Variants in RBFOX1 observed in about 807,000 individuals in gnomAD.
The protein encoded by RBFOX1 is RNA binding fox-1 homolog 1, also known as RNA binding protein fox-1 homolog 1.
Under a neutral mutation model 57.7 loss-of-function variants are expected in RBFOX1, and 8 were observed. That is an observed-to-expected ratio of 0.14 (90% CI 0.08 to 0.25). The LOEUF is 0.25. Among genes scored for constraint, RBFOX1 ranks in the 10% least tolerant of loss-of-function variants. RBFOX1 has a pLI of 1.00. For missense variants in RBFOX1, 611 were observed against 548.5 expected (o/e 1.11, Z -1.14); for synonymous variants, 326 against 222.4 (o/e 1.47, Z -4.15).
At chr16:7,702,150 A>G (rs911537760) in intron 14 of RBFOX1, among the ~76,000 whole-genome samples, 74 of 152,200 alleles carry the variant, frequency 4.9e-4, no homozygotes, top group African/African-American at 1.7e-3. Context: ...CAGACCTTAC[A>G]ACCTGGGATT....
At chr16:5,866,073 T>G (rs2057337252) in intron 3 of RBFOX1, among the ~76,000 whole-genome samples, 1 of 152,176 alleles carries the variant, frequency 6.6e-6, no homozygotes, top group Non-Finnish European at 1.5e-5. Context: ...GTTCAAGGGA[T>G]TCTCCTGCCT....
chr16:7,072,467 C>T (rs933274808), intron 4 of RBFOX1, among the ~76,000 whole-genome samples: 1 of 152,148 alleles, frequency 6.6e-6, no homozygotes, highest in Admixed American at 6.5e-5. Context: ...TTGTTCTTAA[C>T]TCTACTCTCT....
intron 3 of RBFOX1, among the ~76,000 whole-genome samples, chr16:5,781,493 T>A (rs2054322722): frequency 6.6e-6 from 1 of 152,198 alleles, no homozygotes; most frequent in South Asian, 2.1e-4. Flanking sequence ...CACCCACACA[T>A]ATTTACAAAT....
In RBFOX1 at chr16:5,577,685, G is replaced by C. The variant is rs534156139; in HGVS notation, c.259-21217G>C. 5.3e-5 allele frequency among the ~76,000 whole-genome samples: 8 copies of C among 152,290 alleles called. No homozygotes were observed. In the South Asian group the frequency reaches 1.5e-3, roughly 28 times the overall value. On this transcript the variant is annotated intron_variant, in intron 2 of 2. Coordinates refer to the RBFOX1 transcript ENST00000585867. ...AAAATGGCAAGGCAGTGACTGTGCT[G>C]TACATTACATCATAGCCCCAGTGAG...
intron 3 of RBFOX1, among the ~76,000 whole-genome samples, chr16:6,978,987 T>G (rs1051521131): frequency 1.3e-5 from 2 of 152,180 alleles, no homozygotes; most frequent in African/African-American, 4.8e-5. Context: ...GCAGGCAAAC[T>G]GTTGACTCTT....
chr16:7,326,400 G>A (rs1332376708), intron 4 of RBFOX1, among the ~76,000 whole-genome samples: 2 of 152,128 alleles, frequency 1.3e-5, no homozygotes, highest in South Asian at 2.1e-4. Flanking sequence ...TATATAAGCA[G>A]TTTTACTGGG....
intron 3 of RBFOX1, among the ~76,000 whole-genome samples, chr16:6,695,413 C>CA (rs71145278): frequency 0.051 from 5,533 of 108,846 alleles, 211 homozygotes; most frequent in African/African-American, 0.1. Flanking sequence ...GAAACTCTGT[C>CA]AAAAAAAAAA....
intron 4 of RBFOX1, among the ~76,000 whole-genome samples, chr16:7,471,754 A>G (rs1204651382): frequency 6.6e-6 from 1 of 152,170 alleles, no homozygotes; most frequent in East Asian, 1.9e-4. Context: ...AGAGACAGGA[A>G]AGGTTAAGAC....
chr16:5,249,765 C>T (rs999370160), intron 1 of RBFOX1, among the ~76,000 whole-genome samples: 2 of 152,190 alleles, frequency 1.3e-5, no homozygotes, highest in African/African-American at 4.8e-5. Context: ...TCGAGACCAG[C>T]TTGGCCAAAA....
At chr16:5,793,525 C>T (rs879884869) in intron 3 of RBFOX1, among the ~76,000 whole-genome samples, 3 of 152,334 alleles carry the variant, frequency 2.0e-5, no homozygotes, top group Admixed American at 6.5e-5. Context: ...GGTGTTGGCA[C>T]AAGCCATGTT....
chr16:7,270,716 T>C (rs188809667), intron 4 of RBFOX1, among the ~76,000 whole-genome samples: 40 of 152,236 alleles, frequency 2.6e-4, no homozygotes, highest in Admixed American at 9.2e-4. Flanking sequence ...CACTACTGTT[T>C]CTTTCAGTAA....
intron 2 of RBFOX1, among the ~76,000 whole-genome samples, chr16:6,532,010 T>G (rs2096664640): frequency 6.6e-6 from 1 of 152,180 alleles, no homozygotes; most frequent in South Asian, 2.1e-4. Flanking sequence ...CAAGCCACTG[T>G]GAGGTCTCCT....
chr16:7,090,380 G>A lies in RBFOX1; in HGVS notation c.27+38282G>A, dbSNP rs371557009. On this transcript the variant is annotated intron_variant, in intron 4 of 15. Transcript: ENST00000550418. ...ACTTTTTGCTGGGGGGAGGTGTGGGGTAGATGGTATAGTCTCCCTTCTCTA... is the reference window on the plus strand; with the variant it reads ...ACTTTTTGCTGGGGGGAGGTGTGGGATAGATGGTATAGTCTCCCTTCTCTA... 1.1e-4 allele frequency among the ~76,000 whole-genome samples: 17 copies of A among 152,088 alleles called. No homozygotes were observed. The East Asian group carries it at 1.9e-3, about 17-fold the overall frequency.
chr16:7,590,395 T>C (rs2094380729), intron 7 of RBFOX1, among the ~76,000 whole-genome samples: 1 of 152,030 alleles, frequency 6.6e-6, no homozygotes, highest in Non-Finnish European at 1.5e-5. Flanking sequence ...ATGCAGAAAA[T>C]CCACATTTTA....
At chr16:5,266,587 A>C (rs1481413486) in intron 1 of RBFOX1, among the ~76,000 whole-genome samples, 1 of 130,998 alleles carries the variant, frequency 7.6e-6, no homozygotes, top group African/African-American at 2.9e-5. Context: ...TTTCTCTGTC[A>C]CCCAGGCTGG....
intron 5 of RBFOX1, among the ~76,000 whole-genome samples, chr16:7,573,594 G>A (rs1228267463): frequency 6.6e-6 from 1 of 152,184 alleles, no homozygotes; most frequent in African/African-American, 2.4e-5. Flanking sequence ...AGCACTTTGG[G>A]AGGCCAAGGC....
At chr16:7,055,348 G>T (rs1460389675) in intron 4 of RBFOX1, among the ~76,000 whole-genome samples, 1 of 152,106 alleles carries the variant, frequency 6.6e-6, no homozygotes, top group Non-Finnish European at 1.5e-5. Context: ...TTATGGAAAA[G>T]CTAAGAGTTA....
At chr16:5,446,011 A>AT (rs567390723) in intron 1 of RBFOX1, among the ~76,000 whole-genome samples, 49 of 152,306 alleles carry the variant, frequency 3.2e-4, no homozygotes, top group African/African-American at 1.1e-3. Context: ...AATCACATTG[A>AT]TTTTTTGTTG....
intron 2 of RBFOX1, among the ~76,000 whole-genome samples, chr16:6,584,696 CT>C (rs1288535865): frequency 6.6e-6 from 1 of 152,032 alleles, no homozygotes; most frequent in Admixed American, 6.6e-5. Flanking sequence ...TACAGCACCC[CT>C]GAATGACCTC....
Sources: allele counts gnomAD v4.1 joint callset (sites outside exome capture counted in the v4.1 genomes callset), GRCh38; gene constraint gnomAD v4.1.1; transcripts MANE v1.5; gene names NCBI Gene and HGNC (gene_info 2026-07-23, HGNC 2026-07-21).